The following LYPLA1 variants were observed in gnomAD, a reference collection of about 807,000 sequenced individuals.
LYPLA1 encodes the protein acyl-protein thioesterase 1.
A neutral mutation model predicts 34.0 loss-of-function variants in LYPLA1; 17 were observed. The ratio of observed to expected loss-of-function variants is 0.50; its 90% CI spans 0.34 to 0.75. The LOEUF (loss-of-function observed/expected upper bound fraction) is 0.75, where lower values mean the gene tolerates loss of function less well. Among genes scored for constraint, LYPLA1 ranks in the 30% least tolerant of loss-of-function variants. The pLI, the probability that LYPLA1 is intolerant of heterozygous loss-of-function variation, is 0.01. For synonymous variants in LYPLA1, 98 were observed against 100.8 expected (o/e 0.97, Z 0.17); for missense variants, 203 against 288.8 (o/e 0.70, Z 2.15).
intron 2 of LYPLA1, among the ~76,000 whole-genome samples, chr8:54,078,436 C>T (rs763350231): frequency 1.4e-4 from 22 of 152,202 alleles, no homozygotes; most frequent in Non-Finnish European, 2.5e-4. Context: ...GACTCAACTA[C>T]TAAAGTATAC....
chr8:54,066,038 G>A (rs900632206), intron 2 of LYPLA1, among the ~76,000 whole-genome samples: 5 of 152,082 alleles, frequency 3.3e-5, no homozygotes, highest in African/African-American at 1.2e-4. Flanking sequence ...CCGAGTTCAC[G>A]CCATTCTCCT....
intron 2 of LYPLA1, among the ~76,000 whole-genome samples, chr8:54,079,984 GT>G: frequency 6.6e-6 from 1 of 152,104 alleles, no homozygotes; most frequent in African/African-American, 2.4e-5. Flanking sequence ...TTCAGGATTT[GT>G]GCTGATGACC....
chr8:54,063,620 A>G (rs1402964704), intron 3 of LYPLA1, among the ~76,000 whole-genome samples: 1 of 152,214 alleles, frequency 6.6e-6, no homozygotes, highest in African/African-American at 2.4e-5. Context: ...TTCCCTTCTC[A>G]ACACCCTTAC....
chr8:54,051,458 G>T (rs1805838961), intron 7 of LYPLA1, among the ~76,000 whole-genome samples: 1 of 151,864 alleles, frequency 6.6e-6, no homozygotes, highest in South Asian at 2.1e-4. Flanking sequence ...GTTTCGTTTA[G>T]TTTTTTTGAG....
chr8:54,070,947 G>C (rs1327546836), intron 2 of LYPLA1, among the ~76,000 whole-genome samples: 2 of 152,110 alleles, frequency 1.3e-5, no homozygotes, highest in African/African-American at 4.8e-5. Flanking sequence ...AAAACTTACG[G>C]TGAATACATC....
chr8:54,084,367 T>C (rs2129354318), intron 2 of LYPLA1, among the ~76,000 whole-genome samples: 1 of 151,898 alleles, frequency 6.6e-6, no homozygotes, highest in East Asian at 1.9e-4. Context: ...TGTCAGGAGT[T>C]AGAGACCAGC....
At chr8:54,059,944 A>C (rs1217301186) in intron 5 of LYPLA1, among the ~76,000 whole-genome samples, 1 of 152,038 alleles carries the variant, frequency 6.6e-6, no homozygotes, top group Non-Finnish European at 1.5e-5. Flanking sequence ...CCAAAAAGCA[A>C]AACAATTCAC....
intron 2 of LYPLA1, among the ~76,000 whole-genome samples, chr8:54,092,342 G>GAGGAAGAGGAGGAGAAGGAGA (rs1809360700): frequency 6.6e-6 from 1 of 151,742 alleles, no homozygotes; most frequent in African/African-American, 2.4e-5. Context: ...GAGAGAGAAG[G>GAGGAAGAGGAGGAGAAGGAGA]AGGAAGAGGA....
intron 2 of LYPLA1, among the ~76,000 whole-genome samples, chr8:54,093,523 G>A (rs1268875329): frequency 6.6e-6 from 1 of 152,214 alleles, no homozygotes; most frequent in Non-Finnish European, 1.5e-5. Context: ...GAGAATGTAT[G>A]TGGCCCTGTT....
At chr8:54,064,878 AAT>A (rs1806936272) in intron 3 of LYPLA1, among the ~76,000 whole-genome samples, 2 of 152,196 alleles carry the variant, frequency 1.3e-5, no homozygotes, top group African/African-American at 4.8e-5. Flanking sequence ...CAAAAAAAAA[AAT>A]CTCATAATGT....
chr8:54,046,022 C>T (rs930923475), downstream of LYPLA1, among the ~76,000 whole-genome samples: 1 of 152,128 alleles, frequency 6.6e-6, no homozygotes, highest in African/African-American at 2.4e-5. Flanking sequence ...GATCGCACCA[C>T]TGCACCCCAG....
rs140514152 is a variant in LYPLA1 at position 54,050,632 on chromosome 8, T to G, written c.639+380A>C. On this transcript the variant is annotated intron_variant, in intron 8 of 8. Coordinates refer to ENST00000316963, the MANE Select transcript of LYPLA1 (RefSeq NM_006330.4). ...GTCTCAGTGCCTCCTAAGATAAAATTAATCTCTTCTCAGTTTTTCAGGGCA... is the reference window on the plus strand; with the variant it reads ...GTCTCAGTGCCTCCTAAGATAAAATGAATCTCTTCTCAGTTTTTCAGGGCA... Among the ~76,000 whole-genome samples the G allele has an allele frequency of 3.1e-3, 476 of 152,286 alleles. 3 individuals carry two copies. Among genetic ancestry groups the G allele is most frequent in the African/African-American group, 0.01 (425 of 41,572 alleles).
Position 54,046,964 on chromosome 8 carries a change from C to CA in LYPLA1, c.*1100dup, listed in dbSNP as rs1805521174. ...AGTCCACTGGCAGATGAAAATAAAG[C>CA]AAAAAATTACAATAGATTCCTCATC... On this transcript the variant is annotated 3_prime_UTR_variant, in exon 9 of 9. Transcript: ENST00000316963. 6.6e-6 allele frequency: 1 copy of CA among 151,966 alleles called. No homozygotes were observed. Among genetic ancestry groups the CA allele is most frequent in the East Asian group, 1.9e-4 (1 of 5,192 alleles). 9.4% of individuals were successfully genotyped at this position (151,966 alleles called of 1,614,324 possible). A position where few individuals can be genotyped will look rare whatever the true frequency, so the allele number is the denominator to read the frequency against.
chr8:54,077,232 A>G (rs1206554794), intron 2 of LYPLA1, among the ~76,000 whole-genome samples: 1 of 152,170 alleles, frequency 6.6e-6, no homozygotes. Flanking sequence ...TAAGCAAACC[A>G]TCACAGGAAC....
At chr8:54,095,306 G>A (rs1202057856) in intron 2 of LYPLA1, among the ~76,000 whole-genome samples, 1 of 151,990 alleles carries the variant, frequency 6.6e-6, no homozygotes, top group African/African-American at 2.4e-5. Context: ...CAGAACAAAG[G>A]AAATTTAATT....
chr8:54,096,365 G>A (rs1456424233), intron 2 of LYPLA1, among the ~76,000 whole-genome samples: 1 of 152,164 alleles, frequency 6.6e-6, no homozygotes, highest in Non-Finnish European at 1.5e-5. Flanking sequence ...GGGACTGGGA[G>A]GCCGAAGTGG....
At chr8:54,085,002 TCCTCTCCCTCTC>T (rs200874841) in intron 2 of LYPLA1, among the ~76,000 whole-genome samples, 4 of 120,808 alleles carry the variant, frequency 3.3e-5, no homozygotes, top group East Asian at 1.9e-4. Context: ...TCCCTCCTCT[TCCTCTCCCTCTC>T]CCTCTCCCTC....
rs368740149 is a variant in LYPLA1, at chr8:54,058,671, G to A, written c.287-3538C>T. On this transcript the variant is annotated intron_variant, in intron 5 of 8. Coordinates refer to ENST00000316963, the MANE Select transcript of LYPLA1 (RefSeq NM_006330.4). ...TCTCACTCTGTTGCTGACCTCTCAG[G>A]CTCAAGCAATCCTCCCACCTCAGAC... Among the ~76,000 whole-genome samples, 40 of 151,590 alleles carry A rather than the reference G, an allele frequency of 2.6e-4. 2 individuals are homozygous for A. In the East Asian group the frequency reaches 6.4e-3, roughly 24 times the overall value.
At chr8:54,051,700 T>C (rs1805853666) in intron 7 of LYPLA1, among the ~76,000 whole-genome samples, 1 of 152,102 alleles carries the variant, frequency 6.6e-6, no homozygotes, top group South Asian at 2.1e-4. Context: ...CCACCTGCCT[T>C]GGCCTCCGAA....
Sources: allele counts gnomAD v4.1 joint callset (sites outside exome capture counted in the v4.1 genomes callset), GRCh38; gene constraint gnomAD v4.1.1; transcripts MANE v1.5; gene names NCBI Gene and HGNC (gene_info 2026-07-23, HGNC 2026-07-21).